CAMTA1: variants seen among roughly 807,000 people sequenced by gnomAD.
CAMTA1 encodes calmodulin-binding transcription activator 1.
A neutral mutation model predicts 170.9 loss-of-function variants in CAMTA1; 27 were observed. The observed-to-expected ratio is 0.16, with a 90% CI of 0.12 to 0.22. The LOEUF is 0.22. Among genes scored for constraint, CAMTA1 ranks in the 10% least tolerant of loss-of-function variants. The pLI is 1.00. For missense variants in CAMTA1, 1,619 were observed against 2,217.2 expected (o/e 0.73, Z 5.42); for synonymous variants, 833 against 891.5 (o/e 0.93, Z 1.17).
chr1:7,111,187 C>T (rs541843830), intron 4 of CAMTA1, among the ~76,000 whole-genome samples: 3 of 152,324 alleles, frequency 2.0e-5, no homozygotes, highest in Non-Finnish European at 2.9e-5. Flanking sequence ...ACATTGAGCC[C>T]AGCTGGGTAA....
chr1:7,483,869 C>T (rs1158520667), intron 6 of CAMTA1, among the ~76,000 whole-genome samples: 1 of 152,052 alleles, frequency 6.6e-6, no homozygotes, highest in Non-Finnish European at 1.5e-5. Context: ...AGCCCCTGAC[C>T]TGGCTCCCGT....
chr1:7,752,436 C>T, intron 20 of CAMTA1, 23 bp from the exon 21 acceptor site: 7 of 1,608,302 alleles, frequency 4.4e-6, no homozygotes, highest in Non-Finnish European at 5.1e-6. Flanking sequence ...CTTCTTGTGA[C>T]AATAATATTC....
At chr1:7,601,886 C>G (rs2095446583) in intron 6 of CAMTA1, among the ~76,000 whole-genome samples, 1 of 151,510 alleles carries the variant, frequency 6.6e-6, no homozygotes, top group Non-Finnish European at 1.5e-5. Context: ...GCTGAGATGG[C>G]AGCAGTACAG....
intron 6 of CAMTA1, among the ~76,000 whole-genome samples, chr1:7,567,737 G>A (rs899180901): frequency 9.9e-5 from 15 of 152,146 alleles, no homozygotes; most frequent in Admixed American, 9.8e-4. Flanking sequence ...AGATGCTGGG[G>A]TGATTCAGAT....
chr1:7,669,201 A>T (rs967358764), intron 9 of CAMTA1, among the ~76,000 whole-genome samples: 1 of 152,244 alleles, frequency 6.6e-6, no homozygotes, highest in African/African-American at 2.4e-5. Context: ...CTGCCGTAGC[A>T]GTAAAGTGAC....
intron 16 of CAMTA1, among the ~76,000 whole-genome samples, chr1:7,742,465 G>A (rs918651029): frequency 2.0e-5 from 3 of 151,974 alleles, no homozygotes; most frequent in African/African-American, 7.3e-5. Context: ...GTTCTTTTCA[G>A]GTGTCCAAGG....
At position 7,473,720 on chromosome 1, in the gene CAMTA1, A is replaced by G. The variant is rs182209396; in HGVS notation, c.510+5819A>G. Among the ~76,000 whole-genome samples, 63 of 152,348 alleles carry G rather than the reference A, an allele frequency of 4.1e-4. 1 individual carries two copies. The highest frequency in any genetic ancestry group is 1.5e-3 in the African/African-American group (61 of 41,582). On this transcript the variant is annotated intron_variant, in intron 6 of 22. Transcript: ENST00000303635. ...TGAGTCCCAGGCACCCCCAGCCAAC[A>G]GAGAAGAGAGTAGGCCGTGAGCCCT...
intron 3 of CAMTA1, among the ~76,000 whole-genome samples, chr1:6,853,617 A>G (rs542731724): frequency 6.6e-6 from 1 of 152,312 alleles, no homozygotes; most frequent in Admixed American, 6.5e-5. Flanking sequence ...AAATGAACCA[A>G]AATTTCTAAT....
At chr1:7,142,409 C>T (rs892504686) in intron 4 of CAMTA1, among the ~76,000 whole-genome samples, 1 of 152,192 alleles carries the variant, frequency 6.6e-6, no homozygotes, top group African/African-American at 2.4e-5. Context: ...CCAGCTCGGC[C>T]TCCAGGTCTG....
At chr1:7,346,900 CAG>C (rs1281123895) in intron 5 of CAMTA1, among the ~76,000 whole-genome samples, 2 of 152,312 alleles carry the variant, frequency 1.3e-5, no homozygotes, top group East Asian at 3.9e-4. Context: ...CAGCTGAGAG[CAG>C]AGAGTCCCAG....
rs142289596 is a variant in CAMTA1 at position 7,361,597 on chromosome 1, C to G, written c.439-106233C>G. Among the ~76,000 whole-genome samples, 17 of 152,322 alleles carry G rather than the reference C, an allele frequency of 1.1e-4. No homozygotes were observed. In the East Asian group the frequency reaches 3.3e-3, roughly 29 times the overall value. On this transcript the variant is annotated intron_variant, in intron 5 of 22. Transcript: ENST00000303635. ...CCTGTGTACCCAGCCACCTGAGCAACTTTTCCACAGTGTGACTTTTTTAAA... is the reference window on the plus strand; with the variant it reads ...CCTGTGTACCCAGCCACCTGAGCAAGTTTTCCACAGTGTGACTTTTTTAAA...
At chr1:7,159,442 C>G (rs749509388) in intron 4 of CAMTA1, among the ~76,000 whole-genome samples, 17 of 152,234 alleles carry the variant, frequency 1.1e-4, no homozygotes, top group Non-Finnish European at 2.1e-4. Context: ...TGTCCTCACC[C>G]ATGCCCCACA....
intron 1 of CAMTA1, among the ~76,000 whole-genome samples, chr1:6,794,932 A>AT (rs1642122357): frequency 6.7e-6 from 1 of 148,588 alleles, no homozygotes; most frequent in Admixed American, 6.7e-5. Flanking sequence ...CTTCCCTCAC[A>AT]TAAAAATTCA....
intron 3 of CAMTA1, among the ~76,000 whole-genome samples, chr1:6,905,799 C>T (rs1002059166): frequency 7.9e-5 from 12 of 152,290 alleles, no homozygotes; most frequent in Admixed American, 6.5e-4. Flanking sequence ...TCTCTTATTG[C>T]GTGTTCTGGG....
intron 5 of CAMTA1, among the ~76,000 whole-genome samples, chr1:7,317,190 G>C (rs1351219156): frequency 6.6e-6 from 1 of 152,202 alleles, no homozygotes; most frequent in African/African-American, 2.4e-5. Flanking sequence ...AGGCCTGCGG[G>C]AGTAGGAAGG....
intron 6 of CAMTA1, among the ~76,000 whole-genome samples, chr1:7,605,649 C>T (rs1232213612): frequency 5.9e-5 from 9 of 152,194 alleles, no homozygotes; most frequent in Non-Finnish European, 5.9e-5. Context: ...GGTGATGCCT[C>T]GCCCTGCTTC....
chr1:7,356,893 G>A (rs2085157264), intron 5 of CAMTA1, among the ~76,000 whole-genome samples: 1 of 152,194 alleles, frequency 6.6e-6, no homozygotes, highest in Non-Finnish European at 1.5e-5. Context: ...TTGAGAGGAT[G>A]TGACAGGATA....
chr1:6,833,703 C>G lies in CAMTA1; in HGVS notation c.234+8493C>G, dbSNP rs74817475. On this transcript the variant is annotated intron_variant, in intron 3 of 22. Transcript: ENST00000303635. ...TTCACTTCTGGTTTTTCTCATTAGC[C>G]CAAGAAAAATTTAAATGACACTACT... Among the ~76,000 whole-genome samples the G allele has an allele frequency of 3.0e-3, 453 of 152,102 alleles. 4 individuals carry two copies. Among genetic ancestry groups the G allele is most frequent in the African/African-American group, 0.01 (420 of 41,466 alleles).
chr1:7,448,448 C>G (rs1461804621), intron 5 of CAMTA1, among the ~76,000 whole-genome samples: 1 of 152,190 alleles, frequency 6.6e-6, no homozygotes, highest in Non-Finnish European at 1.5e-5. Context: ...GAGGCCGAGG[C>G]TCTCTGTGCT....
Sources: allele counts gnomAD v4.1 joint callset (sites outside exome capture counted in the v4.1 genomes callset), GRCh38; gene constraint gnomAD v4.1.1; transcripts MANE v1.5; gene names NCBI Gene and HGNC (gene_info 2026-07-23, HGNC 2026-07-21).